Variants in ST18 observed in about 807,000 individuals in gnomAD.
ST18 encodes the protein suppression of tumorigenicity 18 protein.
In ST18, 50 loss-of-function variants were observed where a neutral mutation model predicts 110.0. The observed-to-expected ratio is 0.45, with a 90% CI of 0.36 to 0.58. The LOEUF is 0.58. ST18 is among the 20% of genes least tolerant of loss of function. ST18 has a pLI of 0.00. For missense variants in ST18, 1,306 were observed against 1,280.1 expected, an observed-to-expected ratio of 1.02 and a Z score of -0.31; for synonymous variants, 461 against 452.4, an observed-to-expected ratio of 1.02 and a Z score of -0.24.
At chr8:52,351,888 G>A (rs570495558) in intron 2 of ST18, among the ~76,000 whole-genome samples, 1 of 152,290 alleles carries the variant, frequency 6.6e-6, no homozygotes, top group Admixed American at 6.5e-5. Flanking sequence ...TTCATGTTAT[G>A]CAGTCACAGA....
intron 2 of ST18, among the ~76,000 whole-genome samples, chr8:52,282,972 G>T (rs1259638497): frequency 6.6e-6 from 1 of 152,156 alleles, no homozygotes; most frequent in African/African-American, 2.4e-5. Context: ...GTGCCACGAA[G>T]GGTACATAAG....
chr8:52,295,710 C>CTTTTTTT (rs371927202), intron 2 of ST18, among the ~76,000 whole-genome samples: 1 of 130,846 alleles, frequency 7.6e-6, no homozygotes, highest in African/African-American at 2.8e-5. Flanking sequence ...TCTTTTTTTC[C>CTTTTTTT]TTTTTTTTTT....
At chr8:52,327,943 A>G (rs1216021740) in intron 2 of ST18, among the ~76,000 whole-genome samples, 1 of 152,208 alleles carries the variant, frequency 6.6e-6, no homozygotes, top group Non-Finnish European at 1.5e-5. Flanking sequence ...CAGAGATTTT[A>G]TTCTTGCAAT....
At chr8:52,259,545 G>A (rs2094619581) in intron 2 of ST18, among the ~76,000 whole-genome samples, 2 of 152,090 alleles carry the variant, frequency 1.3e-5, no homozygotes, top group Admixed American at 1.3e-4. Flanking sequence ...TTTTGATAAT[G>A]AATGAAAGAT....
intron 2 of ST18, among the ~76,000 whole-genome samples, chr8:52,260,419 C>A (rs1369932080): frequency 2.0e-5 from 3 of 148,374 alleles, no homozygotes; most frequent in Admixed American, 2.0e-4. Flanking sequence ...CTGTCTTGTT[C>A]TTATTTATCA....
At chr8:52,167,143 T>A (rs2063286428) in intron 10 of ST18, among the ~76,000 whole-genome samples, 157 bp from the exon 11 acceptor site, 1 of 152,238 alleles carries the variant, frequency 6.6e-6, no homozygotes, top group South Asian at 2.1e-4. Flanking sequence ...AACTAAGACC[T>A]GTGGAAACGG....
chr8:52,192,067 G>T (rs894359175), intron 8 of ST18, among the ~76,000 whole-genome samples: 1 of 152,202 alleles, frequency 6.6e-6, no homozygotes, highest in Non-Finnish European at 1.5e-5. Context: ...GGCTGGCACA[G>T]AGGGGTCATT....
At chr8:52,118,687 C>T (rs973264924) in intron 23 of ST18, among the ~76,000 whole-genome samples, 3 of 152,132 alleles carry the variant, frequency 2.0e-5, no homozygotes, top group African/African-American at 4.8e-5. Context: ...CCCAGGGGTG[C>T]TGCCAGACCC....
chr8:52,325,402 A>T (rs548201652), intron 2 of ST18, among the ~76,000 whole-genome samples: 4 of 152,138 alleles, frequency 2.6e-5, no homozygotes, highest in Non-Finnish European at 5.9e-5. Context: ...CTGAATCCAT[A>T]TTGCTTACAA....
intron 2 of ST18, among the ~76,000 whole-genome samples, chr8:52,240,786 C>T (rs578136104): frequency 3.3e-5 from 5 of 152,266 alleles, no homozygotes; most frequent in African/African-American, 9.6e-5. Flanking sequence ...ATTTTCAGAG[C>T]AACTCACATG....
chr8:52,231,894 G>A (rs1301325610), intron 2 of ST18, among the ~76,000 whole-genome samples: 1 of 152,184 alleles, frequency 6.6e-6, no homozygotes, highest in African/African-American at 2.4e-5. Flanking sequence ...AGTGGCTCTG[G>A]AACATCAGTG....
At chr8:52,165,598 AGTTCTGCGT>A (rs1456954157) in intron 11 of ST18, among the ~76,000 whole-genome samples, 1 of 152,152 alleles carries the variant, frequency 6.6e-6, no homozygotes. Flanking sequence ...TGCAGTTTGA[AGTTCTGCGT>A]ATGGTCTTCT....
chr8:52,265,430 C>G (rs945607499), intron 2 of ST18, among the ~76,000 whole-genome samples: 1 of 152,202 alleles, frequency 6.6e-6, no homozygotes, highest in Non-Finnish European at 1.5e-5. Flanking sequence ...TAGAAGATCG[C>G]TCTAGCAGCA....
At chr8:52,157,857 G>A (rs989000454) in intron 15 of ST18, among the ~76,000 whole-genome samples, 11 of 152,230 alleles carry the variant, frequency 7.2e-5, no homozygotes, top group East Asian at 3.9e-4. Flanking sequence ...GCCGGGGACC[G>A]GCACACTTAA....
intron 2 of ST18, among the ~76,000 whole-genome samples, chr8:52,280,511 G>A (rs531735556): frequency 7.9e-5 from 12 of 151,912 alleles, no homozygotes; most frequent in South Asian, 4.2e-4. Flanking sequence ...ACAAAAAGCC[G>A]AAAGTAAAAA....
chr8:52,172,627 A>C, intron 9 of ST18, 44 bp from the exon 10 acceptor site: 1 of 1,472,800 alleles, frequency 6.8e-7, no homozygotes, highest in South Asian at 1.4e-5. Flanking sequence ...AGAACAAAAA[A>C]TATTTTAGGA....
At chr8:52,212,042 T>A (rs540687860) in intron 8 of ST18, 37 bp downstream of exon 8, 1 of 1,591,230 alleles carries the variant, frequency 6.3e-7, no homozygotes, top group Non-Finnish European at 8.6e-7. Flanking sequence ...TCAAGGCCCA[T>A]TAATGTGAAA....
chr8:52,167,061 G>A, intron 10 of ST18, 75 bp from the exon 11 acceptor site: 4 of 1,515,312 alleles, frequency 2.6e-6, no homozygotes, highest in African/African-American at 2.7e-5. Flanking sequence ...TGGCCTTGCA[G>A]GGTGACATTC....
intron 2 of ST18, among the ~76,000 whole-genome samples, chr8:52,398,931 ATCAAGGTAATAATGCCC>A: frequency 6.6e-6 from 1 of 152,010 alleles, no homozygotes; most frequent in Non-Finnish European, 1.5e-5. Flanking sequence ...TGGCTTAGGT[ATCAAGGTAATAATGCCC>A]TCATAAAATG....
Sources: allele counts gnomAD v4.1 joint callset (sites outside exome capture counted in the v4.1 genomes callset), GRCh38; gene constraint gnomAD v4.1.1; transcripts MANE v1.5; gene names NCBI Gene and HGNC (gene_info 2026-07-23, HGNC 2026-07-21).